Variants in STX2 observed in about 807,000 individuals in gnomAD.
STX2 encodes syntaxin-2.
STX2 carries 27 observed loss-of-function variants against 40.6 expected under a neutral mutation model. The observed-to-expected ratio is 0.66, with a 90% CI of 0.49 to 0.92. The LOEUF (loss-of-function observed/expected upper bound fraction) is 0.92. Among genes scored for constraint, STX2 ranks in the 40% least tolerant of loss-of-function variants. The probability of loss-of-function intolerance (pLI) is 0.00; values close to 1 mark genes in which losing one functional copy is unlikely to be tolerated. For synonymous variants in STX2, 123 were observed against 119.1 expected (o/e 1.03, Z -0.22); for missense variants, 328 against 366.1 (o/e 0.90, Z 0.85).
At chr12:130,812,800 T>C (rs1951709576) in intron 4 of STX2, among the ~76,000 whole-genome samples, 157 bp downstream of exon 4, 1 of 152,236 alleles carries the variant, frequency 6.6e-6, no homozygotes, top group Non-Finnish European at 1.5e-5. Context: ...CCTTTTTGAA[T>C]ATTAATTAGT....
In STX2 at chr12:130,813,590, G is replaced by C. The variant is rs576054663; in HGVS notation, c.206-559C>G. On this transcript the variant is annotated intron_variant, in intron 3 of 10. Transcript: ENST00000392373. ...GGGCTGCAAGCAGGGGGCGATGGAG[G>C]CAGGGGCCGGCCTCCTAACACGGAG... Among the ~76,000 whole-genome samples the C allele has an allele frequency of 2.6e-5, 4 of 152,320 alleles. No homozygotes were observed. In the South Asian group the frequency reaches 8.3e-4, roughly 32 times the overall value.
intron 2 of STX2, among the ~76,000 whole-genome samples, chr12:130,824,995 A>G (rs1175688576): frequency 6.6e-6 from 1 of 151,680 alleles, no homozygotes. Flanking sequence ...GACAAAGACC[A>G]CAGCTTAATG....
At chr12:130,818,185 A>AAAAAAAAAATATATATATAT in intron 3 of STX2, among the ~76,000 whole-genome samples, 14 of 70,516 alleles carry the variant, frequency 2.0e-4, no homozygotes, top group Non-Finnish European at 3.2e-4. Flanking sequence ...AAAAAAAAAA[A>AAAAAAAAAATATATATATAT]ATATATATAT....
chr12:130,838,570 T>C (rs1169106328), intron 1 of STX2, among the ~76,000 whole-genome samples: 1 of 152,128 alleles, frequency 6.6e-6, no homozygotes, highest in Non-Finnish European at 1.5e-5. Context: ...TCCCGCTTGG[T>C]GCACAGTCCT....
intron 2 of STX2, among the ~76,000 whole-genome samples, chr12:130,826,389 C>T (rs371057377): frequency 1.3e-5 from 2 of 152,166 alleles, no homozygotes; most frequent in Admixed American, 6.5e-5. Flanking sequence ...GCCGCAGGAC[C>T]TCCAAAAGGC....
intron 1 of STX2, among the ~76,000 whole-genome samples, chr12:130,827,639 C>T (rs771164789): frequency 6.6e-6 from 1 of 152,256 alleles, no homozygotes; most frequent in Non-Finnish European, 1.5e-5. Context: ...ACTGGCCAGC[C>T]GCAGTGGCTC....
Position 130,801,404 on chromosome 12 carries a change from C to T in STX2, c.537+11G>A. On this transcript the variant is annotated intron_variant, in intron 7 of 10. Transcript: ENST00000392373. The stretch of plus-strand genomic sequence containing the variant: ...GAGGACATGGAGCCACAGGGCCGCA[C>T]CCCCACTCACGTCGGAAGTGAAGAT... 6.2e-7 allele frequency: 1 copy of T among 1,605,888 alleles called. No individual in the cohort carries two copies. Among genetic ancestry groups the T allele is most frequent in the Non-Finnish European group, 8.5e-7 (1 of 1,175,310 alleles).
chr12:130,809,382 C>T (rs982845246), intron 4 of STX2, among the ~76,000 whole-genome samples: 1 of 151,994 alleles, frequency 6.6e-6, no homozygotes, highest in African/African-American at 2.4e-5. Context: ...AGCTAGACTC[C>T]GAATATGTTT....
intron 3 of STX2, among the ~76,000 whole-genome samples, chr12:130,815,549 T>A (rs1757214292): frequency 6.6e-6 from 1 of 152,250 alleles, no homozygotes. Flanking sequence ...AGCCCTGTTT[T>A]CATCTGCATC....
intron 4 of STX2, 72 bp downstream of exon 4, chr12:130,812,885 A>T: frequency 9.1e-7 from 1 of 1,094,028 alleles, no homozygotes. Context: ...AAGAACAAAA[A>T]CCAATAAAGA....
At position 130,831,551 on chromosome 12, in the gene STX2, A is replaced by T. The variant is rs562400790; in HGVS notation, c.31-4284T>A. Among the ~76,000 whole-genome samples, 33 of 152,138 alleles carry T rather than the reference A, an allele frequency of 2.2e-4. 1 individual carries two copies. The South Asian group carries it at 6.2e-3, about 29-fold the overall frequency. Reference sequence around the variant, plus strand: ...GGCGTGGTGGCTCACACTTGTGAGGATCCCTTGAGCCAGGAGACTGAGGCT... The same window carrying T: ...GGCGTGGTGGCTCACACTTGTGAGGTTCCCTTGAGCCAGGAGACTGAGGCT... On this transcript the variant is annotated intron_variant, in intron 1 of 10. Transcript: ENST00000392373.
intron 3 of STX2, among the ~76,000 whole-genome samples, chr12:130,820,797 C>G (rs565975070): frequency 6.6e-6 from 1 of 152,324 alleles, no homozygotes; most frequent in African/African-American, 2.4e-5. Flanking sequence ...CAGCACCGCA[C>G]AGACCGGCAT....
At chr12:130,833,340 G>A (rs896567324) in intron 1 of STX2, among the ~76,000 whole-genome samples, 26 of 151,530 alleles carry the variant, frequency 1.7e-4, no homozygotes, top group African/African-American at 5.8e-4. Flanking sequence ...GGCTCGCTCC[G>A]TCCTAACTCC....
chr12:130,807,923 A>T (rs906139314), intron 5 of STX2, among the ~76,000 whole-genome samples: 1 of 152,118 alleles, frequency 6.6e-6, no homozygotes, highest in Non-Finnish European at 1.5e-5. Context: ...ACATCGCCCC[A>T]GCAGCCTCCT....
intron 4 of STX2, among the ~76,000 whole-genome samples, chr12:130,810,031 C>T (rs1421823894): frequency 6.6e-6 from 1 of 152,096 alleles, no homozygotes; most frequent in Non-Finnish European, 1.5e-5. Flanking sequence ...CAAACAACAA[C>T]AACAACAACA....
At chr12:130,818,179 A>ATATAT (rs1951937454) in intron 3 of STX2, among the ~76,000 whole-genome samples, 2 of 19,418 alleles carry the variant, frequency 1.0e-4, no homozygotes, top group African/African-American at 3.4e-4. Flanking sequence ...ACAAAAAAAA[A>ATATAT]AAAAAAATAT....
At chr12:130,821,534 C>T (rs773237307) in intron 3 of STX2, among the ~76,000 whole-genome samples, 155 bp downstream of exon 3, 2 of 152,134 alleles carry the variant, frequency 1.3e-5, no homozygotes, top group African/African-American at 4.8e-5. Flanking sequence ...TGCCCTGGCT[C>T]GCCCCAGGCC....
At chr12:130,837,106 CTTTT>C (rs71951784) in intron 1 of STX2, among the ~76,000 whole-genome samples, 3 of 139,840 alleles carry the variant, frequency 2.1e-5, no homozygotes, top group Non-Finnish European at 1.6e-5. Flanking sequence ...TGACATTGAG[CTTTT>C]TTTTTTTTTT....
chr12:130,808,547 T>A (rs896870087), intron 5 of STX2, 84 bp downstream of exon 5: 1 of 1,186,936 alleles, frequency 8.4e-7, no homozygotes, highest in African/African-American at 1.5e-5. Flanking sequence ...ACAGTAAAGA[T>A]GAAATTATTC....
Sources: allele counts gnomAD v4.1 joint callset (sites outside exome capture counted in the v4.1 genomes callset), GRCh38; gene constraint gnomAD v4.1.1; transcripts MANE v1.5; gene names NCBI Gene and HGNC (gene_info 2026-07-23, HGNC 2026-07-21).